The following PDZRN4 variants were observed in gnomAD, a reference collection of about 807,000 sequenced individuals.
The protein encoded by PDZRN4 is PDZ domain-containing RING finger protein 4.
In PDZRN4, 70 loss-of-function variants were observed where a neutral mutation model predicts 99.0. The observed-to-expected ratio is 0.71, with a 90% CI of 0.58 to 0.86. PDZRN4 has a LOEUF of 0.86. Ranked by LOEUF, PDZRN4 falls within the 40% of genes least tolerant of loss-of-function variation. PDZRN4 has a pLI of 0.00. For synonymous variants in PDZRN4, 551 were observed against 501.6 expected (o/e 1.10, Z -1.32); for missense variants, 1,474 against 1,331.2 (o/e 1.11, Z -1.67).
intron 6 of PDZRN4, 100 bp from the exon 7 acceptor site, chr12:41,555,598 T>C: frequency 5.5e-6 from 5 of 901,354 alleles, no homozygotes; most frequent in Non-Finnish European, 9.0e-6. Context: ...AACAGAGAAT[T>C]TTGAAACAGC....
intron 3 of PDZRN4, among the ~76,000 whole-genome samples, chr12:41,310,712 T>C (rs917977759): frequency 1.3e-5 from 2 of 152,312 alleles, no homozygotes; most frequent in South Asian, 2.1e-4. Flanking sequence ...GCTACTTTTT[T>C]CCCCCACGTT....
chr12:41,397,884 G>C (rs1040885592), intron 3 of PDZRN4, among the ~76,000 whole-genome samples: 1 of 151,920 alleles, frequency 6.6e-6, no homozygotes, highest in African/African-American at 2.4e-5. Flanking sequence ...GTGTCTTATG[G>C]TAAAAGATAC....
intron 3 of PDZRN4, among the ~76,000 whole-genome samples, chr12:41,488,552 C>T (rs1478030180): frequency 1.3e-5 from 2 of 152,106 alleles, no homozygotes; most frequent in Non-Finnish European, 2.9e-5. Flanking sequence ...ATAATTTTAT[C>T]TCATTAATGG....
At chr12:41,382,631 T>C (rs1211567810) in intron 3 of PDZRN4, among the ~76,000 whole-genome samples, 1 of 152,182 alleles carries the variant, frequency 6.6e-6, no homozygotes, top group Non-Finnish European at 1.5e-5. Flanking sequence ...TAATCAGCAA[T>C]CTCTCTGCCT....
intron 3 of PDZRN4, among the ~76,000 whole-genome samples, chr12:41,346,463 A>AAAAATAAAAATAAAAT (rs1951855797): frequency 6.6e-6 from 1 of 152,078 alleles, no homozygotes. Flanking sequence ...TTCCGTCTCA[A>AAAAATAAAAATAAAAT]AAAATAAAAA....
At chr12:41,504,056 G>C (rs558792749) in intron 3 of PDZRN4, among the ~76,000 whole-genome samples, 53 of 152,034 alleles carry the variant, frequency 3.5e-4, no homozygotes, top group Non-Finnish European at 7.1e-4. Context: ...AGATCACGAG[G>C]TTAGGAGTTA....
intron 3 of PDZRN4, among the ~76,000 whole-genome samples, chr12:41,283,035 G>A (rs566617946): frequency 2.0e-5 from 3 of 151,966 alleles, no homozygotes; most frequent in South Asian, 4.2e-4. Flanking sequence ...CAATTGAACC[G>A]AAGGAGATAG....
At chr12:41,317,782 T>G (rs1222179048) in intron 3 of PDZRN4, among the ~76,000 whole-genome samples, 1 of 152,152 alleles carries the variant, frequency 6.6e-6, no homozygotes, top group African/African-American at 2.4e-5. Context: ...CCTTCTCCAC[T>G]GCTCTCCACC....
At chr12:41,404,790 C>A (rs1292190614) in intron 3 of PDZRN4, among the ~76,000 whole-genome samples, 1 of 149,654 alleles carries the variant, frequency 6.7e-6, no homozygotes, top group Non-Finnish European at 1.5e-5. Context: ...GACACATAGA[C>A]AAATGGAACA....
At chr12:41,364,842 C>T (rs529229641) in intron 3 of PDZRN4, among the ~76,000 whole-genome samples, 1 of 152,148 alleles carries the variant, frequency 6.6e-6, no homozygotes, top group South Asian at 2.1e-4. Flanking sequence ...TGGTTATTTC[C>T]ATTAGCAATT....
intron 3 of PDZRN4, among the ~76,000 whole-genome samples, chr12:41,252,248 A>G (rs1395648603): frequency 1.3e-5 from 2 of 152,226 alleles, no homozygotes; most frequent in African/African-American, 4.8e-5. Flanking sequence ...ATACAGAGAA[A>G]TAAAAACACA....
At chr12:41,376,674 T>C (rs191230188) in intron 3 of PDZRN4, among the ~76,000 whole-genome samples, 220 of 152,280 alleles carry the variant, frequency 1.4e-3, no homozygotes, top group African/African-American at 4.9e-3. Flanking sequence ...TACCATTCCA[T>C]TGGTTGCTTT....
chr12:41,372,974 A>G (rs1318570845), intron 3 of PDZRN4, among the ~76,000 whole-genome samples: 1 of 152,104 alleles, frequency 6.6e-6, no homozygotes, highest in East Asian at 1.9e-4. Flanking sequence ...AAATAAAGGG[A>G]CAGAGTACAA....
At chr12:41,192,808 G>A (rs1427675036) in intron 2 of PDZRN4, among the ~76,000 whole-genome samples, 1 of 152,204 alleles carries the variant, frequency 6.6e-6, no homozygotes, top group Non-Finnish European at 1.5e-5. Context: ...TATTCTTCAT[G>A]TTGATGTCAA....
rs140881261 is a variant in PDZRN4 at position 41,303,147 on chromosome 12, C to T, written c.843+108959C>T. ...CTCATGGCAGGATAAAGACGGTCTTCAGGGAGACTCCACAGTAGTTACAAT... is the reference window on the plus strand; with the variant it reads ...CTCATGGCAGGATAAAGACGGTCTTTAGGGAGACTCCACAGTAGTTACAAT... On this transcript the variant is annotated intron_variant, in intron 3 of 9. Coordinates refer to ENST00000402685, the MANE Select transcript of PDZRN4 (RefSeq NM_001164595.2). Among the ~76,000 whole-genome samples the T allele has an allele frequency of 7.7e-4, 117 of 152,222 alleles. No homozygotes were observed. The East Asian group carries it at 0.02, about 27-fold the overall frequency.
At chr12:41,230,442 A>G (rs1347611610) in intron 3 of PDZRN4, among the ~76,000 whole-genome samples, 1 of 152,042 alleles carries the variant, frequency 6.6e-6, no homozygotes, top group Admixed American at 6.6e-5. Context: ...AAAATACAAA[A>G]CAAAAATCAT....
At chr12:41,230,004 C>T (rs1395904827) in intron 3 of PDZRN4, among the ~76,000 whole-genome samples, 2 of 151,990 alleles carry the variant, frequency 1.3e-5, no homozygotes, top group African/African-American at 2.4e-5. Context: ...ATTCGTATTG[C>T]TGTGTTGGGG....
chr12:41,384,065 C>T (rs547073742), intron 3 of PDZRN4, among the ~76,000 whole-genome samples: 35 of 140,254 alleles, frequency 2.5e-4, no homozygotes, highest in African/African-American at 8.4e-4. Flanking sequence ...TGCAGTGGCG[C>T]GATCTCAGCT....
At chr12:41,220,601 G>A (rs992516859) in intron 3 of PDZRN4, among the ~76,000 whole-genome samples, 2 of 152,150 alleles carry the variant, frequency 1.3e-5, no homozygotes, top group East Asian at 1.9e-4. Flanking sequence ...AAATGGCTCC[G>A]AGAGGAGCTG....
Sources: gnomAD v4.1 joint callset for allele counts (sites outside exome capture counted in the v4.1 genomes callset) on GRCh38, gnomAD v4.1.1 for gene constraint, MANE v1.5 for transcripts, NCBI Gene and HGNC (gene_info 2026-07-23, HGNC 2026-07-21) for gene names.